The following STMN4 variants were observed in gnomAD, a reference collection of about 807,000 sequenced individuals.
STMN4 encodes the protein stathmin 4, also known as stathmin-4.
Under a neutral mutation model 29.1 loss-of-function variants are expected in STMN4, and 12 were observed. That is an observed-to-expected ratio of 0.41 (90% CI 0.26 to 0.67). The LOEUF (loss-of-function observed/expected upper bound fraction) is 0.67, where lower values mean the gene tolerates loss of function less well. STMN4 is among the 30% of genes least tolerant of loss of function. The probability of loss-of-function intolerance (pLI) is 0.30; values close to 1 mark genes in which losing one functional copy is unlikely to be tolerated. For synonymous variants in STMN4, 114 were observed against 105.3 expected, an observed-to-expected ratio of 1.08 and a Z score of -0.51; for missense variants, 181 against 262.8, an observed-to-expected ratio of 0.69 and a Z score of 2.15.
chr8:27,245,230 T>C (rs1440954521), intron 1 of STMN4, among the ~76,000 whole-genome samples: 1 of 152,190 alleles, frequency 6.6e-6, no homozygotes, highest in Non-Finnish European at 1.5e-5. Context: ...ACTGAATAAA[T>C]GTTAGTCTCT....
At chr8:27,245,558 C>T (rs993647476) in intron 1 of STMN4, among the ~76,000 whole-genome samples, 1 of 152,230 alleles carries the variant, frequency 6.6e-6, no homozygotes, top group African/African-American at 2.4e-5. Context: ...CCAGTGAGTC[C>T]CTGAACAGAG....
At chr8:27,255,980 C>T (rs1345988156) in intron 1 of STMN4, among the ~76,000 whole-genome samples, 1 of 150,880 alleles carries the variant, frequency 6.6e-6, no homozygotes, top group Non-Finnish European at 1.5e-5. Context: ...GGACAGCTTC[C>T]CATAAAAAAA....
At chr8:27,246,328 C>T (rs1368356643) in intron 1 of STMN4, among the ~76,000 whole-genome samples, 3 of 152,164 alleles carry the variant, frequency 2.0e-5, no homozygotes, top group Non-Finnish European at 2.9e-5. Context: ...GCAATGGAGA[C>T]CTCTCAGTGT....
chr8:27,251,568 A>G (rs902582448), intron 1 of STMN4, among the ~76,000 whole-genome samples: 1 of 151,896 alleles, frequency 6.6e-6, no homozygotes, highest in African/African-American at 2.4e-5. Context: ...CTATAGGCAT[A>G]TGTGCATCTT....
At chr8:27,240,859 G>A (rs1280866913) in intron 5 of STMN4, among the ~76,000 whole-genome samples, 195 bp downstream of exon 5, 1 of 152,198 alleles carries the variant, frequency 6.6e-6, no homozygotes, top group African/African-American at 2.4e-5. Context: ...CAAACTGTGA[G>A]CTGCAAGAGG....
intron 1 of STMN4, among the ~76,000 whole-genome samples, chr8:27,247,852 G>C (rs1201480239): frequency 6.6e-6 from 1 of 152,178 alleles, no homozygotes; most frequent in Non-Finnish European, 1.5e-5. Flanking sequence ...GCAATGGAAG[G>C]CAAAACCCAG....
Position 27,241,733 on chromosome 8 carries a change from C to G in STMN4, c.134G>C (p.Arg45Thr). The G allele has an allele frequency of 1.2e-6, 2 of 1,614,176 alleles. No individual in the cohort carries two copies. Among genetic ancestry groups the G allele is most frequent in the Non-Finnish European group, 8.5e-7 (1 of 1,180,028 alleles). ...YEGWCGRQCR[R>T]KDESQRKDSA... ...GTCTTTCCGCTGGCTTTCATCCTTCCTCCTACACTGTCTCCCACACCAGCC... is the reference window on the plus strand; with the variant it reads ...GTCTTTCCGCTGGCTTTCATCCTTCGTCCTACACTGTCTCCCACACCAGCC... The change falls in exon 4 of 7, where the codon AGG becomes ACG. Residue 45 changes from arginine to threonine, a missense_variant. Coordinates refer to ENST00000350889, the MANE Select transcript of STMN4 (RefSeq NM_030795.4).
chr8:27,242,679 T>C (rs1369180968), intron 2 of STMN4, among the ~76,000 whole-genome samples, 187 bp from the exon 3 acceptor site: 1 of 152,152 alleles, frequency 6.6e-6, no homozygotes. Context: ...CTGTGTGGGA[T>C]TCGAACCCAC....
chr8:27,243,597 C>A (rs890900950), intron 2 of STMN4, 114 bp downstream of exon 2: 7 of 1,153,036 alleles, frequency 6.1e-6, no homozygotes, highest in African/African-American at 1.5e-5. Flanking sequence ...TGCACCCCCC[C>A]ACACACCCCG....
At chr8:27,255,074 C>A (rs73239473) in intron 1 of STMN4, among the ~76,000 whole-genome samples, 9,362 of 151,212 alleles carry the variant, frequency 0.062, 402 homozygotes, top group Non-Finnish European at 0.091. Context: ...AAAAAAAAAA[C>A]AATTTTTAAA....
chr8:27,255,481 A>C (rs2130176856), intron 1 of STMN4, among the ~76,000 whole-genome samples: 1 of 152,332 alleles, frequency 6.6e-6, no homozygotes, highest in African/African-American at 2.4e-5. Context: ...CCTTTCTTTG[A>C]TTATGATCTT....
chr8:27,241,870 G>T (rs958063876), intron 3 of STMN4, 113 bp from the exon 4 acceptor site: 10 of 1,286,618 alleles, frequency 7.8e-6, no homozygotes, highest in South Asian at 7.5e-5. Context: ...CCTGGTCCCC[G>T]AGCACCCCTG....
chr8:27,252,574 A>G (rs1801821691), intron 1 of STMN4, among the ~76,000 whole-genome samples: 1 of 152,208 alleles, frequency 6.6e-6, no homozygotes, highest in African/African-American at 2.4e-5. Context: ...GACAGGCATG[A>G]GCCACCGTGC....
intron 6 of STMN4, among the ~76,000 whole-genome samples, chr8:27,237,172 C>T (rs1801334814): frequency 6.6e-6 from 1 of 152,140 alleles, no homozygotes. Flanking sequence ...GACCATGGGC[C>T]ACGCAGCCTC....
chr8:27,241,377 C>A, intron 4 of STMN4, 115 bp from the exon 5 acceptor site: 1 of 1,264,434 alleles, frequency 7.9e-7, no homozygotes, highest in East Asian at 2.4e-5. Context: ...AAGCTGGAGA[C>A]TGGGGTCTGG....
At chr8:27,248,719 T>C (rs999797383) in intron 1 of STMN4, among the ~76,000 whole-genome samples, 13 of 152,366 alleles carry the variant, frequency 8.5e-5, no homozygotes, top group South Asian at 6.2e-4. Context: ...TATACCGTCG[T>C]CACACAGGTA....
Position 27,242,505 on chromosome 8 carries a change from C to G in STMN4, c.14-13G>C. 1 of 1,613,738 alleles carries G rather than the reference C, an allele frequency of 6.2e-7. No homozygotes were observed. The highest frequency in any genetic ancestry group is 8.5e-7 in the Non-Finnish European group (1 of 1,179,712). ...TTCTCTTTGTAGGCTGCGGAAACAC[C>G]CAGTCAGGTGAGGATGGCGCCTCTC... On this transcript the variant is annotated splice_polypyrimidine_tract_variant and intron_variant, in intron 2 of 6. Transcript: ENST00000350889.
In STMN4 at chr8:27,240,288, T is replaced by G. The variant is rs544231931; in HGVS notation, c.400-126A>C. On this transcript the variant is annotated intron_variant, in intron 5 of 6. Transcript: ENST00000350889. ...TCCCTGGGCCTGGTCCCCAGACCAT[T>G]AGCAGGAAACAAGGACACTTCCTAA... 3.0e-6 allele frequency: 3 copies of G among 1,009,446 alleles called. No individual in the cohort carries two copies. In the South Asian group the frequency reaches 5.2e-5, roughly 18 times the overall value. 62.5% of individuals were successfully genotyped at this position (1,009,446 alleles called of 1,614,324 possible).
rs1801477047 is a variant in STMN4 at position 27,241,657 on chromosome 8, C to T, written c.190+20G>A. 5 of 1,613,934 alleles carry T rather than the reference C, an allele frequency of 3.1e-6. No homozygotes were observed. Among genetic ancestry groups the T allele is most frequent in the Non-Finnish European group, 4.2e-6 (5 of 1,179,940 alleles). ...ATCTGACGCTCGGCCTGCGGAATCC[C>T]TCCGCTGCCTCCCTCCTACCCTGAG... is the stretch of plus-strand genomic sequence containing the variant. On this transcript the variant is annotated intron_variant, in intron 4 of 6. Coordinates refer to ENST00000350889, the MANE Select transcript of STMN4 (RefSeq NM_030795.4).
Sources: gnomAD v4.1 joint callset for allele counts (sites outside exome capture counted in the v4.1 genomes callset) on GRCh38, gnomAD v4.1.1 for gene constraint, MANE v1.5 for transcripts, NCBI Gene and HGNC (gene_info 2026-07-23, HGNC 2026-07-21) for gene names.